The following ARHGAP8 variants were observed in gnomAD, a reference collection of about 807,000 sequenced individuals.
The protein encoded by ARHGAP8 is rho GTPase-activating protein 8.
In ARHGAP8, 62 loss-of-function variants were observed where a neutral mutation model predicts 46.1. The observed-to-expected ratio is 1.34, with a 90% CI of 1.10 to 1.66. The LOEUF is 1.66. ARHGAP8 is among the 40% of genes most tolerant of loss of function. The pLI is 0.00. For missense variants in ARHGAP8, 923 were observed against 568.4 expected, an observed-to-expected ratio of 1.62 and a Z score of -6.34; for synonymous variants, 375 against 243.1, an observed-to-expected ratio of 1.54 and a Z score of -5.05.
At chr22:44,821,643 C>T (rs557487761) in intron 5 of ARHGAP8, among the ~76,000 whole-genome samples, 7 of 152,306 alleles carry the variant, frequency 4.6e-5, no homozygotes, top group South Asian at 2.1e-4. Flanking sequence ...TAATAGCAGT[C>T]GTCACAGCGA....
intron 7 of ARHGAP8, among the ~76,000 whole-genome samples, chr22:44,841,894 A>T (rs1931676234): frequency 6.6e-6 from 1 of 152,196 alleles, no homozygotes; most frequent in African/African-American, 2.4e-5. Flanking sequence ...AATGAAGGTG[A>T]CACAGAGAGG....
chr22:44,822,166 C>T (rs1569162827), intron 5 of ARHGAP8, among the ~76,000 whole-genome samples: 2 of 152,202 alleles, frequency 1.3e-5, no homozygotes, highest in African/African-American at 2.4e-5. Flanking sequence ...GTGTTTGGTG[C>T]ATTGGAGATC....
At chr22:44,811,950 T>TCG (rs1929362842) in intron 4 of ARHGAP8, among the ~76,000 whole-genome samples, 1 of 148,736 alleles carries the variant, frequency 6.7e-6, no homozygotes, top group African/African-American at 2.5e-5. Flanking sequence ...TGAGCTGAGA[T>TCG]CGCGCCACCG....
At chr22:44,830,169 G>A (rs1430489234) in intron 7 of ARHGAP8, among the ~76,000 whole-genome samples, 1 of 151,152 alleles carries the variant, frequency 6.6e-6, no homozygotes, top group Non-Finnish European at 1.5e-5. Context: ...GACTGCAGGT[G>A]CACGCTACCA....
rs367903324 is a variant in ARHGAP8, at chr22:44,808,448, C to T, written c.299+10C>T. 31 of 1,613,218 alleles carry T rather than the reference C, an allele frequency of 1.9e-5. No individual in the cohort carries two copies. The highest frequency in any genetic ancestry group is 3.3e-5 in the South Asian group (3 of 90,964). On this transcript the variant is annotated intron_variant, in intron 4 of 11. Transcript: ENST00000356099. ...AGGAGTTCGATAGGAAGTACGTGCCCGCAAGCCTTCAGGGACGTGGGTGTG... is the reference window on the plus strand; with the variant it reads ...AGGAGTTCGATAGGAAGTACGTGCCTGCAAGCCTTCAGGGACGTGGGTGTG...
chr22:44,770,006 G>A (rs1031503076), intron 1 of ARHGAP8, among the ~76,000 whole-genome samples: 1 of 152,190 alleles, frequency 6.6e-6, no homozygotes, highest in African/African-American at 2.4e-5. Context: ...AGCACTTTGG[G>A]AGGCCGAGGC....
chr22:44,846,155 C>A (rs2269540), intron 8 of ARHGAP8, among the ~76,000 whole-genome samples: 2 of 152,100 alleles, frequency 1.3e-5, no homozygotes, highest in Non-Finnish European at 2.9e-5. Flanking sequence ...GACTCAGCAC[C>A]GTGGGCCCCG....
At chr22:44,792,587 G>T (rs1016455064) in intron 2 of ARHGAP8, among the ~76,000 whole-genome samples, 1 of 152,080 alleles carries the variant, frequency 6.6e-6, no homozygotes, top group Non-Finnish European at 1.5e-5. Flanking sequence ...GCTCTCCTGC[G>T]TCCTTCAGGT....
rs556384503 is a variant in ARHGAP8 at position 44,764,560 on chromosome 22, G to A, written c.-72+11933G>A. ...GTCATGCAGGTTCTCTGCTGGAGCC[G>A]AGAGACCTGGGCTGCAGACGCAGCT... is the stretch of plus-strand genomic sequence containing the variant. On this transcript the variant is annotated intron_variant, in intron 1 of 11. Coordinates refer to ENST00000356099, the MANE Select transcript of ARHGAP8 (RefSeq NM_181335.3). Among the ~76,000 whole-genome samples the A allele has an allele frequency of 2.0e-5, 3 of 152,214 alleles. No individual in the cohort carries two copies. In the East Asian group the frequency reaches 5.8e-4, roughly 29 times the overall value.
intron 4 of ARHGAP8, among the ~76,000 whole-genome samples, chr22:44,811,599 T>C (rs1478147535): frequency 1.3e-5 from 2 of 152,128 alleles, no homozygotes; most frequent in Non-Finnish European, 2.9e-5. Context: ...GCGTTACAGA[T>C]CTTGGCTCAG....
rs774768324 is a variant in ARHGAP8, at chr22:44,862,471, C to G, written c.1178C>G (p.Ala393Gly). 3.7e-6 allele frequency: 6 copies of G among 1,613,984 alleles called. No homozygotes were observed. The highest frequency in any genetic ancestry group is 5.1e-6 in the Non-Finnish European group (6 of 1,179,940). ...TPEAPGEHGL[A>G]PWEQGSRAAP... ...GAGGCACCTGGGGAGCACGGCCTGG[C>G]ACCATGGGAACAGGGGAGCAGGGCA... The change falls in exon 12 of 12, where the codon GCA becomes GGA. Residue 393 changes from alanine (A) to glycine (G), a missense_variant. Coordinates refer to ENST00000356099, the MANE Select transcript of ARHGAP8 (RefSeq NM_181335.3).
At chr22:44,850,274 G>C (rs910295801) in intron 10 of ARHGAP8, 1 of 152,272 alleles carries the variant, frequency 6.6e-6, no homozygotes. Flanking sequence ...AAGATGTTGA[G>C]GGCTGACTGA....
chr22:44,807,442 C>G (rs1278831252), intron 3 of ARHGAP8, among the ~76,000 whole-genome samples: 5 of 152,150 alleles, frequency 3.3e-5, no homozygotes. Context: ...TGTCAGGACT[C>G]TGGCTTTGTA....
intron 7 of ARHGAP8, among the ~76,000 whole-genome samples, chr22:44,834,404 CTG>C (rs1199049922): frequency 1.3e-5 from 2 of 151,844 alleles, no homozygotes; most frequent in Non-Finnish European, 2.9e-5. Context: ...TTCTAGGAGT[CTG>C]TTGTTAAATT....
rs143475037 is a variant in ARHGAP8 at position 44,859,670 on chromosome 22, C to T, written c.878-61C>T. ...CTACACCCCTGTTCTCCTCCCGGGC[C>T]GGGATGCAGCGCTGCCCCTGGCCCC... On this transcript the variant is annotated intron_variant, in intron 10 of 11. Coordinates refer to ENST00000356099, the MANE Select transcript of ARHGAP8 (RefSeq NM_181335.3). 3.5e-3 allele frequency: 5,519 copies of T among 1,578,680 alleles called. 17 individuals are homozygous for T. Among genetic ancestry groups the T allele is most frequent in the Admixed American group, 4.9e-3 (288 of 59,078 alleles).
At chr22:44,779,687 G>A (rs1034435890) in intron 1 of ARHGAP8, among the ~76,000 whole-genome samples, 2 of 149,744 alleles carry the variant, frequency 1.3e-5, no homozygotes, top group Admixed American at 6.8e-5. Context: ...TCAGTTTCCC[G>A]AGTAGCCGGG....
At chr22:44,860,541 TGA>T (rs1438992310) in intron 11 of ARHGAP8, among the ~76,000 whole-genome samples, 15 of 43,772 alleles carry the variant, frequency 3.4e-4, no homozygotes, top group Non-Finnish European at 7.8e-4. Flanking sequence ...GATCTCATCT[TGA>T]GATCCTCAAC....
chr22:44,812,807 A>G (rs1290285673), intron 4 of ARHGAP8, among the ~76,000 whole-genome samples: 1 of 152,114 alleles, frequency 6.6e-6, no homozygotes, highest in Non-Finnish European at 1.5e-5. Context: ...TGGTCTGATG[A>G]GCACTCGGCA....
At position 44,858,785 on chromosome 22, in the gene ARHGAP8, C is replaced by T. The variant is rs375824379; in HGVS notation, c.878-946C>T. Among the ~76,000 whole-genome samples the T allele has an allele frequency of 6.7e-5, 10 of 149,512 alleles. 1 individual carries two copies. The East Asian group carries it at 1.4e-3, about 20-fold the overall frequency. ...TGCATCAGGCCCCTGGAGGGTGGGACACTGCCTTTCCAAGAGCAACAAAGT... is the reference window on the plus strand; with the variant it reads ...TGCATCAGGCCCCTGGAGGGTGGGATACTGCCTTTCCAAGAGCAACAAAGT... On this transcript the variant is annotated intron_variant, in intron 10 of 11. Coordinates refer to ENST00000356099, the MANE Select transcript of ARHGAP8 (RefSeq NM_181335.3).
Sources: allele counts gnomAD v4.1 joint callset (sites outside exome capture counted in the v4.1 genomes callset), GRCh38; gene constraint gnomAD v4.1.1; transcripts MANE v1.5; gene names NCBI Gene and HGNC (gene_info 2026-07-23, HGNC 2026-07-21).